TUT7: variants seen among roughly 807,000 people sequenced by gnomAD.
TUT7 encodes terminal uridylyl transferase 7.
A neutral mutation model predicts 165.9 loss-of-function variants in TUT7; 33 were observed. That is an observed-to-expected ratio of 0.20 (90% CI 0.15 to 0.27). The LOEUF (loss-of-function observed/expected upper bound fraction) is 0.27, where lower values mean the gene tolerates loss of function less well. Ranked by LOEUF, TUT7 falls within the 10% of genes least tolerant of loss-of-function variation. The probability of loss-of-function intolerance (pLI) is 1.00; values close to 1 mark genes in which losing one functional copy is unlikely to be tolerated. For missense variants in TUT7, 1,338 were observed against 1,762.3 expected (o/e 0.76, Z 4.31); for synonymous variants, 552 against 608.1 (o/e 0.91, Z 1.36).
chr9:86,317,128 G>A, intron 17 of TUT7, 91 bp downstream of exon 17: 1 of 1,159,980 alleles, frequency 8.6e-7, no homozygotes, highest in Non-Finnish European at 1.3e-6. Flanking sequence ...GGGTGGGCCT[G>A]GAACAAATAC....
At chr9:86,297,009 T>G (rs544804356) in intron 26 of TUT7, among the ~76,000 whole-genome samples, 2 of 152,374 alleles carry the variant, frequency 1.3e-5, no homozygotes, top group African/African-American at 4.8e-5. Context: ...ACATAATTAT[T>G]GCAATACATT....
intron 2 of TUT7, among the ~76,000 whole-genome samples, chr9:86,349,604 T>C (rs369625440): frequency 1.5e-4 from 23 of 152,206 alleles, no homozygotes; most frequent in African/African-American, 5.3e-4. Flanking sequence ...ATTTCCATTA[T>C]ATCTTCTCAC....
At chr9:86,333,556 A>T (rs563872608) in intron 10 of TUT7, among the ~76,000 whole-genome samples, 1 of 152,284 alleles carries the variant, frequency 6.6e-6, no homozygotes, top group Admixed American at 6.5e-5. Context: ...GATTTCTAGC[A>T]TTTCCTTTTA....
At chr9:86,298,842 A>G in intron 26 of TUT7, 1 of 982,014 alleles carries the variant, frequency 1.0e-6, no homozygotes, top group Non-Finnish European at 1.2e-6. Flanking sequence ...TAAAAAATGA[A>G]ATAGACTGGT....
chr9:86,346,568 T>C, intron 2 of TUT7, 88 bp from the exon 3 acceptor site: 1 of 1,329,880 alleles, frequency 7.5e-7, no homozygotes, highest in African/African-American at 1.5e-5. Flanking sequence ...TTAAATCATG[T>C]GAGAGAATAA....
At chr9:86,352,295 T>C (rs1001498033) in intron 2 of TUT7, among the ~76,000 whole-genome samples, 4 of 152,222 alleles carry the variant, frequency 2.6e-5, no homozygotes, top group African/African-American at 9.7e-5. Flanking sequence ...GTCATTTATA[T>C]TATGAACACA....
chr9:86,316,909 A>G lies in TUT7; in HGVS notation c.3274+310T>C, dbSNP rs187356322. ...ACTAATAAAAAACTAACGATACAACAATAAAAAAATACAAATAAAAAATAC... is the reference window on the plus strand; with the variant it reads ...ACTAATAAAAAACTAACGATACAACGATAAAAAAATACAAATAAAAAATAC... On this transcript the variant is annotated intron_variant, in intron 17 of 26. Transcript: ENST00000375963. 7.5e-4 allele frequency among the ~76,000 whole-genome samples: 115 copies of G among 152,336 alleles called. No homozygotes were observed. The East Asian group carries it at 0.02, about 26-fold the overall frequency.
At chr9:86,325,312 T>C (rs145263989) in intron 12 of TUT7, 22 bp downstream of exon 12, 144 of 1,605,426 alleles carry the variant, frequency 9.0e-5, no homozygotes, top group East Asian at 2.7e-4. Flanking sequence ...TGGGGGGGAA[T>C]AAGATAAACA....
At chr9:86,318,330 A>G (rs141506778) in intron 16 of TUT7, among the ~76,000 whole-genome samples, 1,554 of 152,326 alleles carry the variant, frequency 0.01, 23 homozygotes, top group African/African-American at 0.034. Flanking sequence ...AGGCAGCCAT[A>G]GACATTACAT....
At chr9:86,353,705 C>T (rs946845088) in intron 1 of TUT7, among the ~76,000 whole-genome samples, 2 of 152,146 alleles carry the variant, frequency 1.3e-5, no homozygotes, top group African/African-American at 4.8e-5. Flanking sequence ...CATTTCTCAA[C>T]TCCAATTTTC....
intron 22 of TUT7, among the ~76,000 whole-genome samples, chr9:86,307,073 C>G (rs1488699355): frequency 6.6e-6 from 1 of 151,990 alleles, no homozygotes; most frequent in Non-Finnish European, 1.5e-5. Context: ...GAGTTCGAAA[C>G]TAGCCTTGCC....
In TUT7 at chr9:86,323,351, C is replaced by T. The variant is rs1829497500; in HGVS notation, c.2399G>A (p.Cys800Tyr). ...GTTATCTAAAGTGGCAAGTCCCTCA[C>T]ACTCTTTAGCTGTGGGATTTTGGAA... Reference protein sequence around the residue: ...EGFQNPTAKECEGLATLDNKA... With the variant: ...EGFQNPTAKEYEGLATLDNKA... Residue 800 changes from cysteine (C) to tyrosine (Y), a missense_variant, in exon 13 of 27, where the codon TGT becomes TAT. Cys to Tyr is a radical substitution (Grantham distance 194). This residue lies in a region of TUT7 where 425 missense variants were observed against 474.9 expected (regional missense o/e 0.89). Coordinates refer to ENST00000375963, the MANE Select transcript of TUT7 (RefSeq NM_024617.4). 1 of 1,614,018 alleles carries T rather than the reference C, an allele frequency of 6.2e-7. No individual in the cohort carries two copies. The highest frequency in any genetic ancestry group is 1.3e-5 in the African/African-American group (1 of 74,914).
At chr9:86,352,432 T>G (rs1474058705) in intron 2 of TUT7, 3 of 569,640 alleles carry the variant, frequency 5.3e-6, no homozygotes, top group African/African-American at 3.8e-5. Flanking sequence ...AGAAAACATG[T>G]TTACTGACGT....
chr9:86,303,527 G>A (rs1827152732), intron 24 of TUT7, among the ~76,000 whole-genome samples: 1 of 152,096 alleles, frequency 6.6e-6, no homozygotes, highest in Non-Finnish European at 1.5e-5. Context: ...CAGGTACACA[G>A]GCTTTGTCTC....
chr9:86,323,250 C>T lies in TUT7; in HGVS notation c.2500G>A (p.Val834Ile). 6.2e-7 allele frequency: 1 copy of T among 1,614,104 alleles called. No homozygotes were observed. The highest frequency in any genetic ancestry group is 8.5e-7 in the Non-Finnish European group (1 of 1,180,032). ...ATCATTTCTGATGTCTGGCCCTGTA[C>T]TGAGTGGGTAAAGTGGTTTAGAGAG... ...EDSLNHFTHS[V>I]QGQTSEMIPS... Residue 834 changes from valine to isoleucine, a missense_variant, in exon 13 of 27, where the codon GTA becomes ATA. By Grantham distance (29) the Val-to-Ile change is conservative (BLOSUM62 3). This residue lies in a region of TUT7 where 425 missense variants were observed against 474.9 expected (regional missense o/e 0.89). Transcript: ENST00000375963.
At chr9:86,353,377 T>A in intron 1 of TUT7, 147 bp from the exon 2 acceptor site, 1 of 651,204 alleles carries the variant, frequency 1.5e-6, no homozygotes, top group African/African-American at 1.9e-5. Flanking sequence ...ATCACATTCT[T>A]AATAATCAGT....
chr9:86,314,167 A>T (rs1828495721), intron 17 of TUT7, among the ~76,000 whole-genome samples: 1 of 152,208 alleles, frequency 6.6e-6, no homozygotes, highest in Non-Finnish European at 1.5e-5. Context: ...GTCTGATTCC[A>T]GAACCTCCAC....
chr9:86,316,727 TAA>T (rs1486373960), intron 17 of TUT7, among the ~76,000 whole-genome samples: 1 of 152,168 alleles, frequency 6.6e-6, no homozygotes, highest in African/African-American at 2.4e-5. Flanking sequence ...TACAAGATTT[TAA>T]AAAGACATTA....
At chr9:86,297,921 C>CTT (rs59651352) in intron 26 of TUT7, among the ~76,000 whole-genome samples, 84 of 86,498 alleles carry the variant, frequency 9.7e-4, no homozygotes, top group Middle Eastern at 8.8e-3. Flanking sequence ...GCCTGCTCCA[C>CTT]TTTTTTTTTT....
Sources: allele counts gnomAD v4.1 joint callset (sites outside exome capture counted in the v4.1 genomes callset), GRCh38; gene constraint gnomAD v4.1.1; regional missense constraint gnomAD v4.1.1; transcripts MANE v1.5; gene names NCBI Gene and HGNC (gene_info 2026-07-23, HGNC 2026-07-21).